TEAD1: variants seen among roughly 807,000 people sequenced by gnomAD.
TEAD1 encodes the protein transcriptional enhancer factor TEF-1.
In TEAD1, 9 loss-of-function variants were observed where a neutral mutation model predicts 54.9. The ratio of observed to expected loss-of-function variants is 0.16; its 90% confidence interval spans 0.10 to 0.29. TEAD1 has a LOEUF of 0.29. Among genes scored for constraint, TEAD1 ranks in the 10% least tolerant of loss-of-function variants. The pLI is 1.00. For synonymous variants in TEAD1, 200 were observed against 187.8 expected, an observed-to-expected ratio of 1.07 and a Z score of -0.53; for missense variants, 387 against 535.9, an observed-to-expected ratio of 0.72 and a Z score of 2.74.
At chr11:12,857,576 C>CTG (rs1461148875) in intron 3 of TEAD1, among the ~76,000 whole-genome samples, 2 of 67,962 alleles carry the variant, frequency 2.9e-5, no homozygotes, top group African/African-American at 8.3e-5. Context: ...CTCTCTCTGT[C>CTG]TCTGTGTGTG....
In TEAD1 at chr11:12,783,192, C is replaced by CTT. The variant is rs3046326; in HGVS notation, c.202+18777_202+18778dup. Among the ~76,000 whole-genome samples, 884 of 99,544 alleles carry CTT rather than the reference C, an allele frequency of 8.9e-3. 35 individuals carry two copies. The highest frequency in any genetic ancestry group is 0.034 in the African/African-American group (835 of 24,480). The allele number at this position is 99,544 out of a possible 152,430, so 65.3% of individuals were successfully genotyped here. A position where few individuals can be genotyped will look rare whatever the true frequency, so the allele number is the denominator to read the frequency against. ...AAGGCCAGAGTTTTAGTTTTTGTGC[C>CTT]TTTTTTTTTTTTTTTTTTTTAAGGC... On this transcript the variant is annotated intron_variant, in intron 3 of 12. Transcript: ENST00000527636.
intron 2 of TEAD1, among the ~76,000 whole-genome samples, chr11:12,706,565 C>G (rs1031725419): frequency 6.6e-6 from 1 of 152,202 alleles, no homozygotes; most frequent in African/African-American, 2.4e-5. Flanking sequence ...TTTCCTCTGA[C>G]AGAGGGTGAT....
rs1360138313 is a variant in TEAD1 at position 12,762,849 on chromosome 11, G to A, written c.-54-1330G>A. On this transcript the variant is annotated intron_variant, in intron 2 of 12. Coordinates refer to ENST00000527636, the MANE Select transcript of TEAD1 (RefSeq NM_021961.6). ...ACAGGGTGCTTGCTGTCAGGTAACG[G>A]CCCTGGAATATGGAGCAGTCCCTGG... 1.9e-4 allele frequency among the ~76,000 whole-genome samples: 29 copies of A among 152,278 alleles called. 1 individual carries two copies. The East Asian group carries it at 5.6e-3, about 29-fold the overall frequency.
chr11:12,922,945 A>G (rs890508364), intron 10 of TEAD1: 1 of 150,058 alleles, frequency 6.7e-6, no homozygotes, highest in East Asian at 1.9e-4. Flanking sequence ...AAAAAAAAAA[A>G]AAAAGTGCCA....
chr11:12,861,069 C>T (rs1273854281), intron 3 of TEAD1, among the ~76,000 whole-genome samples: 1 of 152,156 alleles, frequency 6.6e-6, no homozygotes, highest in African/African-American at 2.4e-5. Context: ...AACAGTAGTG[C>T]TATGAAATGG....
intron 2 of TEAD1, among the ~76,000 whole-genome samples, chr11:12,747,616 G>A (rs1043216890): frequency 1.3e-5 from 2 of 152,202 alleles, no homozygotes; most frequent in African/African-American, 4.8e-5. Flanking sequence ...GATTACAGGC[G>A]TGAGCCACCA....
intron 2 of TEAD1, among the ~76,000 whole-genome samples, chr11:12,754,019 T>C (rs567250513): frequency 5.3e-5 from 8 of 152,350 alleles, no homozygotes; most frequent in Non-Finnish European, 1.0e-4. Context: ...AGTGTCACTT[T>C]TGTTACAAAT....
At chr11:12,683,931 G>A (rs1008986442) in intron 2 of TEAD1, among the ~76,000 whole-genome samples, 1 of 152,098 alleles carries the variant, frequency 6.6e-6, no homozygotes, top group African/African-American at 2.4e-5. Context: ...TGCAAGCCTC[G>A]GTGTCCCCAT....
At chr11:12,841,373 C>T (rs917581941) in intron 3 of TEAD1, among the ~76,000 whole-genome samples, 6 of 152,178 alleles carry the variant, frequency 3.9e-5, no homozygotes, top group Non-Finnish European at 7.3e-5. Context: ...GCTGTGAGTG[C>T]AGCTCCTGAG....
At chr11:12,879,632 T>C (rs767005500) in intron 5 of TEAD1, 76 bp from the exon 6 acceptor site, 4 of 1,589,608 alleles carry the variant, frequency 2.5e-6, no homozygotes, top group Non-Finnish European at 2.6e-6. Flanking sequence ...GTCCATGTGC[T>C]CGTGGCTGTG....
chr11:12,808,471 C>T (rs1351392376), intron 3 of TEAD1, among the ~76,000 whole-genome samples: 1 of 151,772 alleles, frequency 6.6e-6, no homozygotes, highest in African/African-American at 2.4e-5. Flanking sequence ...TTCGCTAAGC[C>T]TCAGTTTTTT....
At chr11:12,797,088 G>C (rs1945946158) in intron 3 of TEAD1, among the ~76,000 whole-genome samples, 1 of 16,438 alleles carries the variant, frequency 6.1e-5, no homozygotes, top group Non-Finnish European at 5.8e-3. Flanking sequence ...TCTCCAGCCT[G>C]GGAAACAGCA....
chr11:12,843,458 C>T (rs1239558290), intron 3 of TEAD1, among the ~76,000 whole-genome samples: 2 of 152,154 alleles, frequency 1.3e-5, no homozygotes, highest in African/African-American at 4.8e-5. Flanking sequence ...TAGTCAGCTA[C>T]GAAGTAAGTA....
chr11:12,734,696 G>A (rs1015048359), intron 2 of TEAD1, among the ~76,000 whole-genome samples: 1 of 152,180 alleles, frequency 6.6e-6, no homozygotes, highest in Non-Finnish European at 1.5e-5. Context: ...ACAGTATTCA[G>A]TATAGTAATA....
intron 3 of TEAD1, among the ~76,000 whole-genome samples, chr11:12,832,174 C>T (rs926574004): frequency 4.6e-5 from 7 of 152,050 alleles, no homozygotes; most frequent in African/African-American, 1.7e-4. Context: ...GTTTACAATT[C>T]TAAGCTTCTA....
chr11:12,771,269 G>A (rs551746823), intron 3 of TEAD1, among the ~76,000 whole-genome samples: 20 of 152,264 alleles, frequency 1.3e-4, no homozygotes, highest in African/African-American at 4.8e-4. Context: ...CACTCATCCT[G>A]GGGGCAGACG....
At position 12,742,888 on chromosome 11, in the gene TEAD1, C is replaced by T. The variant is rs116850562; in HGVS notation, c.-54-21291C>T. ...GGCAAAGAAGCCATAGCTCAGCCTC[C>T]AGCTCTTATAAGTGGCCTGGAATTT... On this transcript the variant is annotated intron_variant, in intron 2 of 12. Coordinates refer to ENST00000527636, the MANE Select transcript of TEAD1 (RefSeq NM_021961.6). Among the ~76,000 whole-genome samples, 4 of 152,314 alleles carry T rather than the reference C, an allele frequency of 2.6e-5. No individual in the cohort carries two copies. The East Asian group carries it at 7.7e-4, about 29-fold the overall frequency.
rs1949122796 is a variant in TEAD1, at chr11:12,937,703, C to A, written c.*481C>A. On this transcript the variant is annotated 3_prime_UTR_variant, in exon 13 of 13. Transcript: ENST00000527636. ...TTAAATATAAATGTAAATTAGTACA[C>A]AAAACTAAGAATCTTTAGACTTATC... 6.5e-6 allele frequency: 1 copy of A among 152,856 alleles called. No homozygotes were observed. The highest frequency in any genetic ancestry group is 6.5e-5 in the Admixed American group (1 of 15,352). The allele number at this position is 152,856 out of a possible 1,614,324, so 9.5% of individuals were successfully genotyped here. A position where few individuals can be genotyped will look rare whatever the true frequency, so the allele number is the denominator to read the frequency against.
chr11:12,779,373 A>G (rs1945498634), intron 3 of TEAD1, among the ~76,000 whole-genome samples: 1 of 152,118 alleles, frequency 6.6e-6, no homozygotes, highest in Non-Finnish European at 1.5e-5. Flanking sequence ...TAAGTTCTTC[A>G]TTGGTGGTGG....
Sources: allele counts gnomAD v4.1 joint callset (sites outside exome capture counted in the v4.1 genomes callset), GRCh38; gene constraint gnomAD v4.1.1; transcripts MANE v1.5; gene names NCBI Gene and HGNC (gene_info 2026-07-23, HGNC 2026-07-21).